PACRG: variants seen among roughly 807,000 people sequenced by gnomAD.
The protein encoded by PACRG is parkin coregulated, also known as parkin coregulated gene protein.
PACRG carries 29 observed loss-of-function variants against 29.7 expected under a neutral mutation model. The ratio of observed to expected loss-of-function variants is 0.98; its 90% CI spans 0.73 to 1.33. The LOEUF (loss-of-function observed/expected upper bound fraction) is 1.33, where lower values mean the gene tolerates loss of function less well. PACRG is among the 40% of genes most tolerant of loss of function. PACRG has a pLI of 0.00. For synonymous variants in PACRG, 116 were observed against 118.7 expected (o/e 0.98, Z 0.15); for missense variants, 279 against 316.2 (o/e 0.88, Z 0.89).
At chr6:162,734,144 A>G (rs1471875095) in intron 1 of PACRG, among the ~76,000 whole-genome samples, 5 of 152,238 alleles carry the variant, frequency 3.3e-5, no homozygotes, top group Admixed American at 3.3e-4. Context: ...AGAAAATGCC[A>G]ATGATGTTAT....
chr6:162,999,458 A>G (rs1275565161), intron 2 of PACRG, among the ~76,000 whole-genome samples: 1 of 152,218 alleles, frequency 6.6e-6, no homozygotes, highest in African/African-American at 2.4e-5. Flanking sequence ...GATGTATGCC[A>G]GAGCCCTGCT....
chr6:162,746,025 ATAGAT>A lies in PACRG; in HGVS notation c.156+17639_156+17643del. Among the ~76,000 whole-genome samples the A allele has an allele frequency of 1.3e-5, 2 of 152,156 alleles. 1 individual carries two copies. ...AGTTCAAGTTAGCCATTGATGTGAC[ATAGAT>A]TAGAGAAAGTAATACTATAAAAAAA... On this transcript the variant is annotated intron_variant, in intron 1 of 4. Transcript: ENST00000366888.
In PACRG at chr6:163,220,148, C is replaced by T. The variant is rs143621220; in HGVS notation, c.614-94679C>T. On this transcript the variant is annotated intron_variant, in intron 4 of 4. Coordinates refer to ENST00000366888, the MANE Select transcript of PACRG (RefSeq NM_001080379.2). Reference sequence around the variant, plus strand: ...AGAACAGAGCTGCACATAAAAGGAGCTCCCAATACATGCAGAGTGACTTCT... The same window carrying T: ...AGAACAGAGCTGCACATAAAAGGAGTTCCCAATACATGCAGAGTGACTTCT... Among the ~76,000 whole-genome samples, 397 of 152,228 alleles carry T rather than the reference C, an allele frequency of 2.6e-3. 1 individual carries two copies. Among genetic ancestry groups the T allele is most frequent in the African/African-American group, 8.7e-3 (361 of 41,530 alleles).
rs866936150 is a variant in PACRG, at chr6:162,962,395, T to C, written c.292-99755T>C. Among the ~76,000 whole-genome samples, 3 of 152,104 alleles carry C rather than the reference T, an allele frequency of 2.0e-5. No individual in the cohort carries two copies. In the South Asian group the frequency reaches 6.2e-4, roughly 31 times the overall value. On this transcript the variant is annotated intron_variant, in intron 2 of 4. Transcript: ENST00000366888. ...TTGACTCCACTGTTTCCTCTGAAGG[T>C]GTAGTTGATGTGATTGGGCCATGTT... is the stretch of plus-strand genomic sequence containing the variant.
At chr6:162,915,599 T>G (rs1023487481) in intron 2 of PACRG, among the ~76,000 whole-genome samples, 5 of 152,064 alleles carry the variant, frequency 3.3e-5, no homozygotes, top group African/African-American at 1.2e-4. Flanking sequence ...TTTGTTGCTC[T>G]GTTCCTCTCT....
intron 4 of PACRG, among the ~76,000 whole-genome samples, chr6:163,204,768 G>A (rs1780836639): frequency 6.6e-6 from 1 of 152,140 alleles, no homozygotes; most frequent in Admixed American, 6.5e-5. Flanking sequence ...AAAAAGAGAG[G>A]AAGTCAAACT....
At chr6:163,182,889 AG>A (rs1227294253) in intron 4 of PACRG, 1 of 152,226 alleles carries the variant, frequency 6.6e-6, no homozygotes, top group Non-Finnish European at 1.5e-5. Flanking sequence ...GAGCACCAAA[AG>A]ATCGGGAGAT....
chr6:163,142,592 A>G (rs1777589541), intron 4 of PACRG, among the ~76,000 whole-genome samples: 1 of 152,238 alleles, frequency 6.6e-6, no homozygotes, highest in Non-Finnish European at 1.5e-5. Flanking sequence ...GAAAAAGAAG[A>G]ATCGAAGAAG....
chr6:163,076,344 C>T (rs564161077), intron 3 of PACRG, among the ~76,000 whole-genome samples: 2 of 152,288 alleles, frequency 1.3e-5, no homozygotes, highest in South Asian at 2.1e-4. Context: ...TTTCAGTTTA[C>T]ACCCTCTGCG....
chr6:163,009,175 CA>C (rs1402090039), intron 2 of PACRG, among the ~76,000 whole-genome samples: 2 of 152,138 alleles, frequency 1.3e-5, no homozygotes, highest in Non-Finnish European at 2.9e-5. Context: ...AGATAACTGG[CA>C]AAATCTAAGC....
At chr6:163,087,535 A>G (rs148407131) in intron 3 of PACRG, among the ~76,000 whole-genome samples, 9,064 of 45,576 alleles carry the variant, frequency 0.2, no homozygotes, top group Middle Eastern at 0.29. Flanking sequence ...GAGAGGAGGT[A>G]AGGATGGAGA....
intron 4 of PACRG, among the ~76,000 whole-genome samples, chr6:163,159,780 G>T (rs1386701880): frequency 1.3e-5 from 2 of 152,166 alleles, no homozygotes; most frequent in Non-Finnish European, 2.9e-5. Flanking sequence ...CCCACAAATT[G>T]TTTTCTAATT....
At chr6:163,202,309 A>G (rs1780733592) in intron 4 of PACRG, among the ~76,000 whole-genome samples, 1 of 152,128 alleles carries the variant, frequency 6.6e-6, no homozygotes, top group African/African-American at 2.4e-5. Flanking sequence ...TCCAGTCCCA[A>G]AGCTCTGCCA....
intron 4 of PACRG, among the ~76,000 whole-genome samples, chr6:163,182,439 T>C (rs1039053113): frequency 3.3e-5 from 5 of 152,226 alleles, no homozygotes; most frequent in African/African-American, 1.2e-4. Context: ...ATGAGACTCA[T>C]TGTCTTCCTC....
chr6:163,293,195 T>C (rs1220577698), intron 4 of PACRG, among the ~76,000 whole-genome samples: 1 of 152,180 alleles, frequency 6.6e-6, no homozygotes, highest in East Asian at 1.9e-4. Context: ...TCAACAACAA[T>C]CAACAATGAA....
chr6:162,749,518 T>C (rs1217974888), intron 1 of PACRG, among the ~76,000 whole-genome samples: 1 of 152,094 alleles, frequency 6.6e-6, no homozygotes, highest in Non-Finnish European at 1.5e-5. Flanking sequence ...AAAGGAAACA[T>C]ATTTCTTTTT....
chr6:162,885,663 C>G (rs1002756065), intron 2 of PACRG, among the ~76,000 whole-genome samples: 2 of 152,108 alleles, frequency 1.3e-5, no homozygotes, highest in Non-Finnish European at 2.9e-5. Flanking sequence ...GGGAACCAAC[C>G]CTGTATTTCC....
chr6:162,855,140 T>C (rs1237281789), intron 2 of PACRG, among the ~76,000 whole-genome samples: 1 of 152,244 alleles, frequency 6.6e-6, no homozygotes, highest in African/African-American at 2.4e-5. Context: ...GAGCAAGCTG[T>C]TGCTGCCTTC....
intron 4 of PACRG, among the ~76,000 whole-genome samples, chr6:163,283,431 A>C (rs994550667): frequency 6.6e-6 from 1 of 152,252 alleles, no homozygotes; most frequent in Non-Finnish European, 1.5e-5. Flanking sequence ...CAATTTGATT[A>C]AGATTATGTT....
Sources: gnomAD v4.1 joint callset for allele counts (sites outside exome capture counted in the v4.1 genomes callset) on GRCh38, gnomAD v4.1.1 for gene constraint, MANE v1.5 for transcripts, NCBI Gene and HGNC (gene_info 2026-07-23, HGNC 2026-07-21) for gene names.